Variants in MICAL3 observed in about 807,000 individuals in gnomAD.
MICAL3 encodes the protein [F-actin]-monooxygenase MICAL3.
In MICAL3, 62 loss-of-function variants were observed where a neutral mutation model predicts 207.4. That is an observed-to-expected ratio of 0.30 (90% CI 0.24 to 0.37). The LOEUF is 0.37. Ranked by LOEUF, MICAL3 falls within the 10% of genes least tolerant of loss-of-function variation. The pLI is 1.00. For missense variants in MICAL3, 2,368 were observed against 2,635.6 expected (o/e 0.90, Z 2.22); for synonymous variants, 1,077 against 1,069.3 (o/e 1.01, Z -0.14).
chr22:17,966,682 C>G (rs1278262002), intron 1 of MICAL3, among the ~76,000 whole-genome samples: 1 of 152,208 alleles, frequency 6.6e-6, no homozygotes, highest in Non-Finnish European at 1.5e-5. Flanking sequence ...ACAGTACCAA[C>G]TGTCTAGGGT....
At chr22:17,933,298 TA>T (rs1429039629) in intron 1 of MICAL3, among the ~76,000 whole-genome samples, 1 of 152,106 alleles carries the variant, frequency 6.6e-6, no homozygotes, top group African/African-American at 2.4e-5. Context: ...AATCAAATTA[TA>T]ACTCAGGATT....
At chr22:17,853,387 G>A (rs980248521) in intron 19 of MICAL3, among the ~76,000 whole-genome samples, 3 of 152,148 alleles carry the variant, frequency 2.0e-5, no homozygotes, top group African/African-American at 7.2e-5. Flanking sequence ...ATATCTCAAC[G>A]GGCCACCTTG....
chr22:17,872,199 A>G (rs766302754), intron 16 of MICAL3, among the ~76,000 whole-genome samples, 176 bp from the exon 17 acceptor site: 18 of 152,206 alleles, frequency 1.2e-4, no homozygotes, highest in Non-Finnish European at 2.1e-4. Context: ...GAGTGACGGC[A>G]CCGCCACAGT....
In MICAL3 at chr22:17,818,253, C is replaced by T. The variant is rs1279814210; in HGVS notation, c.4408G>A (p.Ala1470Thr). ...PPPPPPGEEP[A>T]TLRRKLREAE... ...TCCCTGAGCTTCCTCCGCAAGGTGG[C>T]GGGCTCCTCGCCCGGGGGTGGCGGT... Residue 1470 changes from alanine (A) to threonine (T), a missense_variant, in exon 26 of 32, where the codon GCC becomes ACC. Ala to Thr is a moderately conservative substitution (Grantham distance 58, BLOSUM62 0). Coordinates refer to ENST00000441493, the MANE Select transcript of MICAL3 (RefSeq NM_015241.3). 9.4e-6 allele frequency: 10 copies of T among 1,063,080 alleles called. No individual in the cohort carries two copies. The highest frequency in any genetic ancestry group is 3.1e-5 in the South Asian group (2 of 64,736). The allele number at this position is 1,063,080 out of a possible 1,614,324, so 65.9% of individuals were successfully genotyped here. A position where few individuals can be genotyped will look rare whatever the true frequency, so the allele number is the denominator to read the frequency against.
chr22:17,888,999 C>G, intron 13 of MICAL3, 35 bp downstream of exon 13: 8 of 1,488,964 alleles, frequency 5.4e-6, no homozygotes, highest in Non-Finnish European at 7.4e-6. Context: ...AGCACAGCAG[C>G]AGGGGGCCGC....
intron 29 of MICAL3, among the ~76,000 whole-genome samples, chr22:17,795,697 G>A (rs779025265): frequency 1.3e-5 from 2 of 152,260 alleles, no homozygotes; most frequent in South Asian, 2.1e-4. Flanking sequence ...GCGTGTGAGC[G>A]GCCGGCGAGT....
intron 29 of MICAL3, among the ~76,000 whole-genome samples, chr22:17,798,735 G>A (rs958602929): frequency 1.4e-5 from 2 of 147,498 alleles, no homozygotes; most frequent in East Asian, 2.0e-4. Context: ...GTGCAGTGGC[G>A]CGATCTCGGC....
chr22:18,002,859 A>G (rs1569163974), intron 1 of MICAL3, among the ~76,000 whole-genome samples: 1 of 151,740 alleles, frequency 6.6e-6, no homozygotes, highest in Non-Finnish European at 1.5e-5. Context: ...ATTATCCACT[A>G]TCTTAAAGAA....
intron 5 of MICAL3, 75 bp from the exon 6 acceptor site, chr22:17,901,072 G>T: frequency 7.0e-7 from 1 of 1,434,970 alleles, no homozygotes; most frequent in Non-Finnish European, 9.8e-7. Context: ...AAGTGGGGGT[G>T]CTGATAAAGA....
intron 29 of MICAL3, among the ~76,000 whole-genome samples, chr22:17,802,513 C>A (rs749661009): frequency 6.6e-6 from 1 of 152,146 alleles, no homozygotes. Flanking sequence ...TCTCTGAACA[C>A]ACCAGAAGCC....
intron 19 of MICAL3, among the ~76,000 whole-genome samples, chr22:17,854,125 T>G (rs1043772235): frequency 1.3e-5 from 2 of 152,188 alleles, no homozygotes; most frequent in Non-Finnish European, 2.9e-5. Flanking sequence ...TGTCCTTTCT[T>G]CTAACCTTAG....
intron 29 of MICAL3, 90 bp from the exon 30 acceptor site, chr22:17,791,391 C>T (rs2061823287): frequency 2.2e-5 from 25 of 1,130,084 alleles, no homozygotes; most frequent in East Asian, 5.1e-5. Flanking sequence ...CAAAGAGGGC[C>T]GAGCAAGATG....
intron 29 of MICAL3, 43 bp downstream of exon 29, chr22:17,808,801 G>A (rs1239571352): frequency 6.6e-7 from 1 of 1,505,040 alleles, no homozygotes; most frequent in Non-Finnish European, 9.0e-7. Flanking sequence ...CGGGAGGGAG[G>A]GCTTCCTCCA....
intron 1 of MICAL3, among the ~76,000 whole-genome samples, chr22:17,962,422 G>C (rs1389686520): frequency 3.9e-5 from 6 of 152,188 alleles, no homozygotes; most frequent in African/African-American, 1.4e-4. Context: ...GCAGGCAGCT[G>C]ACCCAGGGCT....
intron 16 of MICAL3, among the ~76,000 whole-genome samples, chr22:17,882,046 T>C (rs1407146882): frequency 3.9e-5 from 6 of 152,116 alleles, no homozygotes; most frequent in South Asian, 4.1e-4. Flanking sequence ...TGGGGCAGCA[T>C]GCAGGGAGCC....
intron 21 of MICAL3, among the ~76,000 whole-genome samples, chr22:17,829,165 C>CT (rs11345969): frequency 0.022 from 2,784 of 127,586 alleles, 68 homozygotes; most frequent in African/African-American, 0.058. Flanking sequence ...GTGAATTTGC[C>CT]TTTTTTTTTT....
intron 1 of MICAL3, among the ~76,000 whole-genome samples, chr22:17,957,896 A>T (rs1157905809): frequency 6.6e-6 from 1 of 152,136 alleles, no homozygotes; most frequent in Non-Finnish European, 1.5e-5. Flanking sequence ...CATATGGAAG[A>T]CAGCTGTGGT....
chr22:17,953,224 T>C (rs1298686256), intron 1 of MICAL3, among the ~76,000 whole-genome samples: 1 of 152,178 alleles, frequency 6.6e-6, no homozygotes, highest in African/African-American at 2.4e-5. Context: ...TTTCTTTACC[T>C]GTAGGGCCTG....
chr22:17,865,823 C>T, intron 18 of MICAL3, 101 bp downstream of exon 18: 1 of 915,210 alleles, frequency 1.1e-6, no homozygotes, highest in Non-Finnish European at 1.8e-6. Context: ...CCAGGAGAGG[C>T]AAGGACGCAG....
Sources: allele counts gnomAD v4.1 joint callset (sites outside exome capture counted in the v4.1 genomes callset), GRCh38; gene constraint gnomAD v4.1.1; transcripts MANE v1.5; gene names NCBI Gene and HGNC (gene_info 2026-07-23, HGNC 2026-07-21).